Variants in TET1 observed in about 807,000 individuals in gnomAD.
TET1 encodes tet methylcytosine dioxygenase 1, also known as methylcytosine dioxygenase TET1.
In TET1, 13 loss-of-function variants were observed where a neutral mutation model predicts 148.7. The ratio of observed to expected loss-of-function variants is 0.09; its 90% CI spans 0.06 to 0.14. The LOEUF is 0.14. Among genes scored for constraint, TET1 ranks in the 10% least tolerant of loss-of-function variants. The probability of loss-of-function intolerance (pLI) is 1.00; values close to 1 mark genes in which losing one functional copy is unlikely to be tolerated. For synonymous variants in TET1, 907 were observed against 937.2 expected, an observed-to-expected ratio of 0.97 and a Z score of 0.59; for missense variants, 2,182 against 2,553.8, an observed-to-expected ratio of 0.85 and a Z score of 3.14.
At chr10:68,563,170 CT>C (rs2053572713) in intron 1 of TET1, among the ~76,000 whole-genome samples, 1 of 152,064 alleles carries the variant, frequency 6.6e-6, no homozygotes. Flanking sequence ...CCCTTCCTCT[CT>C]GCAGGGCAGA....
intron 3 of TET1, among the ~76,000 whole-genome samples, chr10:68,620,591 AAC>A (rs2054356309): frequency 6.6e-6 from 1 of 151,780 alleles, no homozygotes; most frequent in South Asian, 2.1e-4. Flanking sequence ...CCCACCCCCA[AAC>A]ACACACACTT....
At chr10:68,639,408 C>T (rs1022477400) in intron 3 of TET1, among the ~76,000 whole-genome samples, 9 of 150,982 alleles carry the variant, frequency 6.0e-5, no homozygotes, top group Non-Finnish European at 1.3e-4. Flanking sequence ...GGTGACAGAG[C>T]AAGACTCCGT....
chr10:68,683,537 A>C (rs1253497284), intron 10 of TET1, among the ~76,000 whole-genome samples: 8 of 146,238 alleles, frequency 5.5e-5, no homozygotes, highest in African/African-American at 1.0e-4. Flanking sequence ...CTTGGCCTCG[A>C]AAAGTGCTGG....
chr10:68,597,090 G>A (rs1268870975), intron 2 of TET1, among the ~76,000 whole-genome samples: 1 of 135,064 alleles, frequency 7.4e-6, no homozygotes, highest in Non-Finnish European at 1.5e-5. Context: ...CTGGAGTGCA[G>A]TGGCACGATC....
In TET1 at chr10:68,573,720, C is replaced by T. The variant is rs756552545; in HGVS notation, c.1382C>T (p.Ala461Val). 1 of 1,614,080 alleles carries T rather than the reference C, an allele frequency of 6.2e-7. No individual in the cohort carries two copies. Among genetic ancestry groups the T allele is most frequent in the East Asian group, 2.2e-5 (1 of 44,880 alleles). The stretch of plus-strand genomic sequence containing the variant: ...CAAAGCACTGTCTCATATGGACTTG[C>T]AGTCCAGGGTGCTATACAGATTTTG... ...EPQSTVSYGL[A>V]VQGAIQILPL... is the part of the protein sequence containing the mutation. Residue 461 changes from alanine to valine, a missense_variant, in exon 2 of 12, where the codon GCA becomes GTA. By Grantham distance (64) the Ala-to-Val change is moderately conservative. Around this residue, in one of 11 missense-constraint regions of TET1, gnomAD observed 665 missense variants for 672.4 expected, o/e 0.99. Transcript: ENST00000373644.
At chr10:68,605,525 T>C (rs985540568) in intron 3 of TET1, among the ~76,000 whole-genome samples, 1 of 152,218 alleles carries the variant, frequency 6.6e-6, no homozygotes, top group Non-Finnish European at 1.5e-5. Flanking sequence ...TATTTACTTA[T>C]TTATTTGAGA....
At chr10:68,686,828 C>A in intron 11 of TET1, 121 bp downstream of exon 11, 1 of 912,116 alleles carries the variant, frequency 1.1e-6, no homozygotes, top group Non-Finnish European at 1.6e-6. Flanking sequence ...TTACATATAC[C>A]AGAACCAAAA....
At chr10:68,678,843 G>C (rs1012201925) in intron 8 of TET1, among the ~76,000 whole-genome samples, 4 of 152,056 alleles carry the variant, frequency 2.6e-5, no homozygotes, top group African/African-American at 9.7e-5. Context: ...TAGAAGGTCA[G>C]GATTTTACAA....
intron 4 of TET1, 78 bp downstream of exon 4, chr10:68,647,083 T>C (rs1208149415): frequency 7.0e-7 from 1 of 1,433,920 alleles, no homozygotes; most frequent in Non-Finnish European, 9.4e-7. Flanking sequence ...TTCTGATTCA[T>C]CTTTTTTGTG....
intron 3 of TET1, chr10:68,632,821 T>TAAAGTTTA (rs2054594375): frequency 1.7e-6 from 1 of 605,974 alleles, no homozygotes; most frequent in African/African-American, 2.6e-5. Context: ...ATCAAGTAAA[T>TAAAGTTTA]AAAGTTTAAG....
intron 11 of TET1, among the ~76,000 whole-genome samples, chr10:68,690,277 A>G (rs994182945): frequency 5.3e-5 from 8 of 152,124 alleles, no homozygotes; most frequent in Admixed American, 5.2e-4. Context: ...AGATTTTTGC[A>G]CTTATTTATG....
intron 3 of TET1, among the ~76,000 whole-genome samples, chr10:68,643,318 C>G (rs1206338369): frequency 6.7e-6 from 1 of 149,416 alleles, no homozygotes; most frequent in Non-Finnish European, 1.5e-5. Context: ...AGCAGTTACT[C>G]TAAAGACCCA....
chr10:68,682,302 G>C (rs2055447655), intron 9 of TET1, among the ~76,000 whole-genome samples: 1 of 151,452 alleles, frequency 6.6e-6, no homozygotes, highest in East Asian at 2.0e-4. Flanking sequence ...AGTAGAGATG[G>C]GGTTTCACCA....
At chr10:68,658,339 A>T (rs1330187804) in intron 6 of TET1, among the ~76,000 whole-genome samples, 1 of 151,874 alleles carries the variant, frequency 6.6e-6, no homozygotes, top group Non-Finnish European at 1.5e-5. Flanking sequence ...AGCCTTCACC[A>T]TGTTGCCCAG....
chr10:68,585,392 C>T (rs556182672), intron 2 of TET1, among the ~76,000 whole-genome samples: 2 of 152,202 alleles, frequency 1.3e-5, no homozygotes, highest in South Asian at 4.1e-4. Context: ...CCTCAGCTTC[C>T]CAACGTGCTG....
chr10:68,691,712 A>C lies in TET1; in HGVS notation c.6309A>C (p.Gln2103His). The C allele has an allele frequency of 6.2e-7, 1 of 1,614,134 alleles. No individual in the cohort carries two copies. Among genetic ancestry groups the C allele is most frequent in the South Asian group, 1.1e-5 (1 of 91,092 alleles). ...EQSSEVNELN[Q>H]IPSHKALTLT... is the part of the protein sequence containing the mutation. Reference sequence around the variant, plus strand: ...CCTCTGAAGTAAATGAATTGAACCAAATTCCTTCTCATAAAGCATTAACAT... The same window carrying C: ...CCTCTGAAGTAAATGAATTGAACCACATTCCTTCTCATAAAGCATTAACAT... The change falls in exon 12 of 12, where the codon CAA becomes CAC. Residue 2103 changes from glutamine (Q) to histidine (H), a missense_variant. Gln to His is a conservative substitution (Grantham distance 24). Transcript: ENST00000373644. The surrounding 1 kb of genome is among the most constrained non-coding windows in gnomAD (Gnocchi z 4.4).
intron 1 of TET1, among the ~76,000 whole-genome samples, chr10:68,561,153 G>C (rs2133653446): frequency 1.3e-5 from 2 of 152,264 alleles, no homozygotes; most frequent in South Asian, 4.2e-4. Context: ...GTTGGAGGTC[G>C]GGGCGCCTCG....
intron 6 of TET1, 32 bp from the exon 7 acceptor site, chr10:68,667,013 C>A: frequency 1.3e-6 from 2 of 1,587,934 alleles, no homozygotes; most frequent in South Asian, 1.1e-5. Context: ...GCATACTTGT[C>A]TTCCATAGAT....
At chr10:68,670,555 T>C (rs551215920) in intron 7 of TET1, among the ~76,000 whole-genome samples, 9 of 152,366 alleles carry the variant, frequency 5.9e-5, no homozygotes, top group African/African-American at 2.2e-4. Flanking sequence ...AATCTGAGGA[T>C]GCTCTTCTAG....
Sources: gnomAD v4.1 joint callset for allele counts (sites outside exome capture counted in the v4.1 genomes callset) on GRCh38, gnomAD v4.1.1 for gene constraint, gnomAD v4.1.1 regional missense constraint, Gnocchi (gnomAD v3.1) non-coding constraint, MANE v1.5 for transcripts, NCBI Gene and HGNC (gene_info 2026-07-23, HGNC 2026-07-21) for gene names.